The following RECK variants were observed in gnomAD, a reference collection of about 807,000 sequenced individuals.
The protein encoded by RECK is reversion-inducing cysteine-rich protein with Kazal motifs.
A neutral mutation model predicts 115.1 loss-of-function variants in RECK; 69 were observed. The observed-to-expected ratio is 0.60, with a 90% CI of 0.49 to 0.73. RECK has a LOEUF of 0.73. Ranked by LOEUF, RECK falls within the 30% of genes least tolerant of loss-of-function variation. The pLI, the probability that RECK is intolerant of heterozygous loss-of-function variation, is 0.00. For synonymous variants in RECK, 414 were observed against 419.7 expected (o/e 0.99, Z 0.17); for missense variants, 1,047 against 1,203.7 (o/e 0.87, Z 1.93).
chr9:36,053,325 A>G (rs1337690024), intron 2 of RECK, among the ~76,000 whole-genome samples: 1 of 152,204 alleles, frequency 6.6e-6, no homozygotes, highest in Non-Finnish European at 1.5e-5. Context: ...AATAGTCTCA[A>G]TCATCTTTTA....
chr9:36,091,405 T>A, intron 10 of RECK, 62 bp downstream of exon 10: 1 of 1,178,098 alleles, frequency 8.5e-7, no homozygotes, highest in Non-Finnish European at 1.2e-6. Flanking sequence ...ATAAGTGAAA[T>A]ACCACTTTAT....
At chr9:36,117,401 CAG>C (rs1262197745) in intron 17 of RECK, among the ~76,000 whole-genome samples, 1 of 152,160 alleles carries the variant, frequency 6.6e-6, no homozygotes, top group Non-Finnish European at 1.5e-5. Flanking sequence ...CAAGCAAGAA[CAG>C]AGAGTGGCTT....
intron 1 of RECK, among the ~76,000 whole-genome samples, chr9:36,040,898 G>A (rs1427954240): frequency 3.9e-5 from 6 of 152,014 alleles, no homozygotes; most frequent in Admixed American, 6.6e-5. Context: ...TTTGGAGGAG[G>A]GTTGTAAGGT....
intron 11 of RECK, 93 bp downstream of exon 11, chr9:36,100,636 C>T: frequency 1.1e-6 from 1 of 938,506 alleles, no homozygotes; most frequent in Non-Finnish European, 1.6e-6. Flanking sequence ...TCTCTCTTAC[C>T]ACTTCCTTTG....
At chr9:36,065,239 A>G (rs935077577) in intron 5 of RECK, among the ~76,000 whole-genome samples, 3 of 143,104 alleles carry the variant, frequency 2.1e-5, no homozygotes, top group African/African-American at 8.7e-5. Flanking sequence ...AAAAAAAAAA[A>G]AAAAAAAAAA....
At chr9:36,100,955 C>CT (rs1227286690) in intron 11 of RECK, among the ~76,000 whole-genome samples, 26 of 151,206 alleles carry the variant, frequency 1.7e-4, no homozygotes, top group Admixed American at 1.7e-3. Context: ...TCTTCTTCTT[C>CT]TTTTTTTGTT....
At position 36,110,000 on chromosome 9, in the gene RECK, T is replaced by C. The variant is rs771600131; in HGVS notation, c.1809T>C (p.Cys603=). ...GTATTGACTGCAATGTCTGTTCTTG[T>C]TTTGCTGGCAATTTGGTGTGCTCTA... ...SFSIDCNVCS[C]FAGNLVCSTR... Residue 603 remains cysteine, a synonymous_variant, in exon 15 of 21, where the codon TGT becomes TGC. Transcript: ENST00000377966. 13 of 1,613,790 alleles carry C rather than the reference T, an allele frequency of 8.1e-6. No homozygotes were observed. The highest frequency in any genetic ancestry group is 1.0e-5 in the Non-Finnish European group (12 of 1,179,760).
chr9:36,106,672 G>C (rs1196828186), intron 13 of RECK, among the ~76,000 whole-genome samples: 1 of 151,974 alleles, frequency 6.6e-6, no homozygotes, highest in Non-Finnish European at 1.5e-5. Context: ...GGAAATGTCG[G>C]ACTGTTTTAA....
chr9:36,106,606 A>G (rs1823830149), intron 13 of RECK, among the ~76,000 whole-genome samples: 1 of 152,096 alleles, frequency 6.6e-6, no homozygotes, highest in Non-Finnish European at 1.5e-5. Flanking sequence ...GATCATCTAT[A>G]ATATATGTGT....
At chr9:36,063,022 C>A (rs1240791108) in intron 4 of RECK, among the ~76,000 whole-genome samples, 1 of 151,998 alleles carries the variant, frequency 6.6e-6, no homozygotes, top group African/African-American at 2.4e-5. Context: ...GTAGTCCCAG[C>A]TACTCAGGAG....
intron 8 of RECK, among the ~76,000 whole-genome samples, chr9:36,084,878 G>T (rs1225820844): frequency 6.6e-6 from 1 of 152,100 alleles, no homozygotes. Flanking sequence ...AACATAGTGA[G>T]ACCCTATGTC....
chr9:36,067,331 G>C (rs140120838), intron 6 of RECK, among the ~76,000 whole-genome samples: 1 of 152,112 alleles, frequency 6.6e-6, no homozygotes, highest in Non-Finnish European at 1.5e-5. Context: ...ACTTGTAGAT[G>C]TATGAGCCAT....
chr9:36,065,478 A>T (rs1821956086), intron 5 of RECK, 99 bp from the exon 6 acceptor site: 1 of 797,334 alleles, frequency 1.3e-6, no homozygotes. Flanking sequence ...GAAATAAAGG[A>T]TACTATATCA....
At chr9:36,109,487 G>A (rs1823949043) in intron 14 of RECK, among the ~76,000 whole-genome samples, 1 of 152,186 alleles carries the variant, frequency 6.6e-6, no homozygotes, top group Admixed American at 6.5e-5. Context: ...TACGATAGGA[G>A]GCAAATATGA....
At chr9:36,046,381 A>G (rs1369899815) in intron 1 of RECK, among the ~76,000 whole-genome samples, 1 of 152,254 alleles carries the variant, frequency 6.6e-6, no homozygotes, top group Non-Finnish European at 1.5e-5. Flanking sequence ...ACGAAGTCAT[A>G]TGAATGGATG....
intron 6 of RECK, among the ~76,000 whole-genome samples, chr9:36,080,035 ACT>A (rs539001455): frequency 4.6e-5 from 7 of 151,814 alleles, no homozygotes; most frequent in Non-Finnish European, 1.0e-4. Flanking sequence ...AGATTCCCAA[ACT>A]CTGGTCCCAG....
rs1468496010 is a variant in RECK at position 36,075,150 on chromosome 9, C to T, written c.406-5455C>T. On this transcript the variant is annotated intron_variant, in intron 6 of 20. Transcript: ENST00000377966. ...CTGCTTACTCCAAGCTTGCTAGTGT[C>T]CACTAGGCCAAAGCAAGGCAAGTCA... Among the ~76,000 whole-genome samples the T allele has an allele frequency of 2.0e-5, 3 of 152,252 alleles. No homozygotes were observed. In the East Asian group the frequency reaches 5.8e-4, roughly 29 times the overall value.
intron 14 of RECK, among the ~76,000 whole-genome samples, chr9:36,108,528 C>G (rs1823907765): frequency 6.6e-6 from 1 of 152,084 alleles, no homozygotes; most frequent in African/African-American, 2.4e-5. Flanking sequence ...AAGAGTTCAC[C>G]CAGCTAGTAA....
At chr9:36,057,092 A>G (rs1821853316) in intron 2 of RECK, 3 of 872,500 alleles carry the variant, frequency 3.4e-6, no homozygotes, top group Non-Finnish European at 4.1e-6. Context: ...ATAACGTCCT[A>G]TTTGGAAGTG....
Sources: allele counts gnomAD v4.1 joint callset (sites outside exome capture counted in the v4.1 genomes callset), GRCh38; gene constraint gnomAD v4.1.1; transcripts MANE v1.5; gene names NCBI Gene and HGNC (gene_info 2026-07-23, HGNC 2026-07-21).